LONRF2: variants seen among roughly 807,000 people sequenced by gnomAD.
LONRF2 encodes LON peptidase N-terminal domain and RING finger protein 2.
In LONRF2, 35 loss-of-function variants were observed where a neutral mutation model predicts 66.6. The ratio of observed to expected loss-of-function variants is 0.53; its 90% CI spans 0.40 to 0.70. The LOEUF is 0.70. Among genes scored for constraint, LONRF2 ranks in the 30% least tolerant of loss-of-function variants. The probability of loss-of-function intolerance (pLI) is 0.00; values close to 1 mark genes in which losing one functional copy is unlikely to be tolerated. For synonymous variants in LONRF2, 417 were observed against 418.1 expected (o/e 1.00, Z 0.03); for missense variants, 902 against 1,002.1 (o/e 0.90, Z 1.35).
At chr2:100,309,382 T>C (rs1675365283) in intron 1 of LONRF2, 157 bp from the exon 2 acceptor site, 1 of 382,060 alleles carries the variant, frequency 2.6e-6, no homozygotes. Flanking sequence ...AAGAAAGAAT[T>C]CCTCCCTCCA....
chr2:100,309,930 C>T (rs1675375592), intron 1 of LONRF2, among the ~76,000 whole-genome samples: 1 of 152,210 alleles, frequency 6.6e-6, no homozygotes, highest in African/African-American at 2.4e-5. Context: ...ACCTCGGCCT[C>T]CCAAAGTGCT....
chr2:100,299,435 T>G lies in LONRF2; in HGVS notation c.1268-116A>C, dbSNP rs1455409592. On this transcript the variant is annotated intron_variant, in intron 5 of 11. Coordinates refer to ENST00000393437, the MANE Select transcript of LONRF2 (RefSeq NM_198461.4). ...GTTGTATCAATGTAACAAATCACAC[T>G]GGGCAGAAATAGTTCCTGCCCAGTT... 27 of 631,674 alleles carry G rather than the reference T, an allele frequency of 4.3e-5. 1 individual carries two copies. In the Admixed American group the frequency reaches 9.2e-4, roughly 22 times the overall value. The allele number at this position is 631,674 out of a possible 1,614,324, so 39.1% of individuals were successfully genotyped here.
At chr2:100,285,531 T>C (rs1559174503) in intron 11 of LONRF2, among the ~76,000 whole-genome samples, 1 of 152,190 alleles carries the variant, frequency 6.6e-6, no homozygotes, top group Non-Finnish European at 1.5e-5. Context: ...TGGTACCTTA[T>C]ATGGCAGAGG....
In LONRF2 at chr2:100,295,547, C is replaced by T; in HGVS notation, c.1483G>A (p.Ala495Thr). Residue 495 changes from alanine to threonine, a missense_variant, in exon 8 of 12, where the codon GCA becomes ACA. Physicochemically the swap from Ala to Thr is moderately conservative, Grantham distance 58. This residue lies in a region of LONRF2 where 317 missense variants were observed against 432.2 expected (regional missense o/e 0.73). Coordinates refer to ENST00000393437, the MANE Select transcript of LONRF2 (RefSeq NM_198461.4). ...LCKDKLSELLASRNFNITVLA... is the reference protein window; with the variant it reads ...LCKDKLSELLTSRNFNITVLA... ...ACAGTTATGTTAAAGTTTCTGCTTG[C>T]CAATAACTGTAACAAAAAAAAGTCA... 6.2e-7 allele frequency: 1 copy of T among 1,612,072 alleles called. No individual in the cohort carries two copies. The highest frequency in any genetic ancestry group is 2.2e-5 in the East Asian group (1 of 44,788).
intron 9 of LONRF2, among the ~76,000 whole-genome samples, chr2:100,291,762 T>C (rs1453872687): frequency 6.6e-6 from 1 of 152,096 alleles, no homozygotes; most frequent in Admixed American, 6.5e-5. Context: ...TGCTCCATGC[T>C]GCCCAGGGTG....
In LONRF2 at chr2:100,276,228, GC is replaced by G. The variant is rs956719116; in HGVS notation, c.*8069del. On this transcript the variant is annotated 3_prime_UTR_variant, in exon 12 of 12. Coordinates refer to ENST00000393437, the MANE Select transcript of LONRF2 (RefSeq NM_198461.4). Reference sequence around the variant, plus strand: ...TTGCTAAAATGTACCCATTGACAAAGCTTCATAGTCTTAACACTGGGGCTCA... The same window carrying G: ...TTGCTAAAATGTACCCATTGACAAAGTTCATAGTCTTAACACTGGGGCTCA... 6.6e-6 allele frequency: 1 copy of G among 152,120 alleles called. No individual in the cohort carries two copies. Among genetic ancestry groups the G allele is most frequent in the African/African-American group, 2.4e-5 (1 of 41,396 alleles). The allele number at this position is 152,120 out of a possible 1,614,324, so 9.4% of individuals were successfully genotyped here.
chr2:100,307,148 C>T (rs2105731065), intron 2 of LONRF2, among the ~76,000 whole-genome samples: 1 of 152,240 alleles, frequency 6.6e-6, no homozygotes, highest in East Asian at 1.9e-4. Flanking sequence ...TCTCGATCTC[C>T]TGACCTCGTG....
At chr2:100,287,402 AT>A (rs1439031277) in intron 10 of LONRF2, among the ~76,000 whole-genome samples, 1 of 152,128 alleles carries the variant, frequency 6.6e-6, no homozygotes, top group Non-Finnish European at 1.5e-5. Context: ...TAGCTTTTTT[AT>A]TTTTAAAAAT....
chr2:100,287,087 T>C (rs1270580950), intron 10 of LONRF2, 24 bp from the exon 11 acceptor site: 1 of 1,610,250 alleles, frequency 6.2e-7, no homozygotes, highest in East Asian at 2.2e-5. Flanking sequence ...GAGGCACAGC[T>C]GTGTGAACCA....
intron 11 of LONRF2, among the ~76,000 whole-genome samples, chr2:100,285,798 C>G (rs772033941): frequency 5.9e-5 from 9 of 152,178 alleles, no homozygotes; most frequent in Non-Finnish European, 1.0e-4. Context: ...GCTGCCATCA[C>G]CCTGATCATA....
At chr2:100,289,430 C>CTTTTTTTTTTTTTTTTTTTTTTTTTTT (rs10543662) in intron 10 of LONRF2, among the ~76,000 whole-genome samples, 1 of 77,076 alleles carries the variant, frequency 1.3e-5, no homozygotes, top group Non-Finnish European at 2.2e-5. Context: ...ACAATAAGGT[C>CTTTTTTTTTTTTTTTTTTTTTTTTTTT]TTTTTTTTTT....
Position 100,274,632 on chromosome 2 carries a change from C to T in LONRF2, c.*9666G>A, listed in dbSNP as rs1307049102. On this transcript the variant is annotated 3_prime_UTR_variant, in exon 12 of 12. Coordinates refer to ENST00000393437, the MANE Select transcript of LONRF2 (RefSeq NM_198461.4). ...TCTCCTCGATTTGACTCTTCCACTG[C>T]AGAAGGCAGTATCCCCTCACCCTGA... is the stretch of plus-strand genomic sequence containing the variant. 3.9e-5 allele frequency: 6 copies of T among 152,334 alleles called. No individual in the cohort carries two copies. The highest frequency in any genetic ancestry group is 1.4e-4 in the African/African-American group (6 of 41,436). 9.4% of individuals were successfully genotyped at this position (152,334 alleles called of 1,614,324 possible). A position where few individuals can be genotyped will look rare whatever the true frequency, so the allele number is the denominator to read the frequency against.
rs567727636 is a variant in LONRF2 at position 100,287,156 on chromosome 2, T to C, written c.1921-93A>G. On this transcript the variant is annotated intron_variant, in intron 10 of 11. Coordinates refer to ENST00000393437, the MANE Select transcript of LONRF2 (RefSeq NM_198461.4). ...TCTGCACCTCCACTAAGTGGATTTG[T>C]GGCAGTTAGCATTTTAATAATTCAT... The C allele has an allele frequency of 3.3e-6, 4 of 1,194,514 alleles. No individual in the cohort carries two copies. The East Asian group carries it at 1.1e-4, about 33-fold the overall frequency. 74.0% of individuals were successfully genotyped at this position (1,194,514 alleles called of 1,614,324 possible). A position where few individuals can be genotyped will look rare whatever the true frequency, so the allele number is the denominator to read the frequency against.
At chr2:100,294,122 G>T in intron 9 of LONRF2, 107 bp downstream of exon 9, 3 of 1,317,274 alleles carry the variant, frequency 2.3e-6, no homozygotes, top group Non-Finnish European at 2.1e-6. Flanking sequence ...GTTACGTAAC[G>T]GGAGCCACTG....
chr2:100,284,520 G>T, intron 11 of LONRF2, 28 bp from the exon 12 acceptor site: 1 of 1,495,996 alleles, frequency 6.7e-7, no homozygotes, highest in Non-Finnish European at 8.9e-7. Flanking sequence ...GGAAAGCAAG[G>T]TTAACACTGG....
chr2:100,319,331 C>T lies in LONRF2; in HGVS notation c.679+2084G>A, dbSNP rs147686074. ...TCTCATATGAATTTACTGAAATAGC[C>T]TATTTTAAAAACGTTTAAATTAGGT... is the stretch of plus-strand genomic sequence containing the variant. On this transcript the variant is annotated intron_variant, in intron 1 of 11. Coordinates refer to ENST00000393437, the MANE Select transcript of LONRF2 (RefSeq NM_198461.4). 3.1e-3 allele frequency among the ~76,000 whole-genome samples: 474 copies of T among 152,040 alleles called. 9 individuals carry two copies. In the East Asian group the frequency reaches 0.046, roughly 15 times the overall value.
intron 2 of LONRF2, 132 bp downstream of exon 2, chr2:100,308,975 A>G (rs1481558663): frequency 3.5e-6 from 2 of 566,584 alleles, no homozygotes; most frequent in South Asian, 3.4e-5. Context: ...GGATTGCTAA[A>G]CGTAGGCTAC....
At chr2:100,284,882 T>A (rs1166288240) in intron 11 of LONRF2, among the ~76,000 whole-genome samples, 1 of 152,228 alleles carries the variant, frequency 6.6e-6, no homozygotes, top group Non-Finnish European at 1.5e-5. Context: ...AGCATAATAT[T>A]ATAAAGGCTA....
At position 100,286,957 on chromosome 2, in the gene LONRF2, A is replaced by G. The variant is rs115462523; in HGVS notation, c.2027T>C (p.Leu676Ser). The change falls in exon 11 of 12, where the codon TTA becomes TCA. Residue 676 changes from leucine (L) to serine (S), a missense_variant. Leu to Ser is a moderately radical substitution (Grantham distance 145, BLOSUM62 -2). Coordinates refer to ENST00000393437, the MANE Select transcript of LONRF2 (RefSeq NM_198461.4). ...GTCTGGCATTACCCCAAAATGACTT[A>G]AAATTTGTTCTTTCATGCGATCCTG... is the stretch of plus-strand genomic sequence containing the variant. ...SLQDRMKEQI[L>S]SHFGVMPDRE... 4 of 1,614,150 alleles carry G rather than the reference A, an allele frequency of 2.5e-6. No individual in the cohort carries two copies. The African/African-American group carries it at 5.3e-5, about 22-fold the overall frequency.
Sources: gnomAD v4.1 joint callset for allele counts (sites outside exome capture counted in the v4.1 genomes callset) on GRCh38, gnomAD v4.1.1 for gene constraint, gnomAD v4.1.1 regional missense constraint, MANE v1.5 for transcripts, NCBI Gene and HGNC (gene_info 2026-07-23, HGNC 2026-07-21) for gene names.